Variants in SPATA33 observed in about 807,000 individuals in gnomAD.
SPATA33 encodes the protein spermatogenesis associated 33.
A neutral mutation model predicts 8.9 loss-of-function variants in SPATA33; 10 were observed. That is an observed-to-expected ratio of 1.12 (90% CI 0.69 to 1.90). SPATA33 has a LOEUF of 1.90. SPATA33 is among the 40% of genes most tolerant of loss of function. The pLI, the probability that SPATA33 is intolerant of heterozygous loss-of-function variation, is 0.00. For missense variants in SPATA33, 241 were observed against 178.3 expected (o/e 1.35, Z -2.00); for synonymous variants, 96 against 72.8 (o/e 1.32, Z -1.63).
chr16:89,662,531 C>T (rs747700546), intron 2 of SPATA33, among the ~76,000 whole-genome samples: 1 of 151,654 alleles, frequency 6.6e-6, no homozygotes, highest in Admixed American at 6.6e-5. Flanking sequence ...TCAAGTGATT[C>T]TCCTGCCTCA....
intron 2 of SPATA33, among the ~76,000 whole-genome samples, chr16:89,662,569 G>A (rs1049812900): frequency 3.3e-5 from 5 of 151,886 alleles, no homozygotes; most frequent in Middle Eastern, 3.4e-3. Flanking sequence ...GATTACAGGC[G>A]CCCGCCATGA....
intron 2 of SPATA33, among the ~76,000 whole-genome samples, chr16:89,663,337 G>A (rs777431699): frequency 1.3e-4 from 19 of 149,122 alleles, no homozygotes; most frequent in Admixed American, 4.7e-4. Context: ...CTCGGCCTCC[G>A]GAGTAGCTGG....
rs777577010 is a variant in SPATA33 at position 89,669,525 on chromosome 16, C to A, written c.*28C>A. The A allele has an allele frequency of 1.2e-6, 2 of 1,603,310 alleles. No homozygotes were observed. Among genetic ancestry groups the A allele is most frequent in the South Asian group, 2.2e-5 (2 of 90,816 alleles). On this transcript the variant is annotated 3_prime_UTR_variant, in exon 3 of 3. Transcript: ENST00000579310. ...AAGCACCTTTGCATGGCACTCGCTA[C>A]TCCCTGCGATAGGCGTCTCGGGAAC...
intron 2 of SPATA33, 193 bp downstream of exon 2, chr16:89,658,614 T>A: frequency 2.6e-6 from 2 of 771,858 alleles, no homozygotes; most frequent in Non-Finnish European, 4.0e-6. Context: ...AACATAAGTT[T>A]AATGAAAATG....
At chr16:89,662,790 C>T (rs1036108637) in intron 2 of SPATA33, among the ~76,000 whole-genome samples, 1 of 148,700 alleles carries the variant, frequency 6.7e-6, no homozygotes, top group African/African-American at 2.5e-5. Flanking sequence ...ACTTTTGTGA[C>T]GTTTTGTTGT....
At chr16:89,665,286 C>T (rs906546318) in intron 2 of SPATA33, among the ~76,000 whole-genome samples, 4 of 150,914 alleles carry the variant, frequency 2.7e-5, no homozygotes, top group Non-Finnish European at 4.4e-5. Context: ...TGAGCCACCG[C>T]ACCTGGCCCA....
intron 2 of SPATA33, among the ~76,000 whole-genome samples, chr16:89,665,478 G>A (rs1215696591): frequency 7.7e-6 from 1 of 129,224 alleles, no homozygotes; most frequent in African/African-American, 2.6e-5. Flanking sequence ...CTAATTTTTT[G>A]TATTTTTTTT....
At position 89,657,907 on chromosome 16, in the gene SPATA33, C is replaced by T; in HGVS notation, c.-5C>T. The T allele has an allele frequency of 6.6e-7, 1 of 1,516,812 alleles. No homozygotes were observed. Among genetic ancestry groups the T allele is most frequent in the Non-Finnish European group, 8.8e-7 (1 of 1,139,560 alleles). 94.0% of individuals were successfully genotyped at this position (1,516,812 alleles called of 1,614,324 possible). On this transcript the variant is annotated 5_prime_UTR_variant, in exon 1 of 3. Transcript: ENST00000579310. ...CTTGCGTCGGAGGGGGCGGTGGGCT[C>T]ACCCATGGGCCTTTCCAAAAGCAAA...
chr16:89,663,638 G>A (rs2059990449), intron 2 of SPATA33, among the ~76,000 whole-genome samples: 1 of 152,134 alleles, frequency 6.6e-6, no homozygotes, highest in South Asian at 2.1e-4. Context: ...GGGGTAGGGA[G>A]TGAGGGGGTC....
intron 2 of SPATA33, among the ~76,000 whole-genome samples, chr16:89,662,695 G>GATC (rs2059979338): frequency 6.7e-6 from 1 of 149,524 alleles, no homozygotes; most frequent in African/African-American, 2.5e-5. Context: ...CCAAAGTGCT[G>GATC]AGATCACAGG....
Position 89,670,307 on chromosome 16 carries a change from C to T in SPATA33, c.*810C>T, listed in dbSNP as rs1376061312. ...CGGGGAGGGTGCACCAGGCCCGCCC[C>T]ACCCTGTGAGAAGCCGCAGCCCGTT... On this transcript the variant is annotated 3_prime_UTR_variant, in exon 3 of 3. Coordinates refer to ENST00000579310, the MANE Select transcript of SPATA33 (RefSeq NM_001271907.2). 6.5e-6 allele frequency: 1 copy of T among 153,268 alleles called. No homozygotes were observed. The highest frequency in any genetic ancestry group is 1.5e-5 in the Non-Finnish European group (1 of 68,718). 9.5% of individuals were successfully genotyped at this position (153,268 alleles called of 1,614,324 possible). A position where few individuals can be genotyped will look rare whatever the true frequency, so the allele number is the denominator to read the frequency against.
chr16:89,657,815 C>G, upstream of SPATA33: 2 of 1,505,938 alleles, frequency 1.3e-6, no homozygotes, highest in Non-Finnish European at 1.8e-6. Context: ...GTGACGCACG[C>G]CGCTGGCGCG....
chr16:89,669,216 C>CA (rs1442295252), intron 2 of SPATA33, 70 bp from the exon 3 acceptor site: 14 of 1,400,130 alleles, frequency 1.0e-5, no homozygotes, highest in Non-Finnish European at 1.4e-5. Context: ...TGACCAATGG[C>CA]AGGAGGTGTG....
intron 2 of SPATA33, chr16:89,668,101 C>T (rs2060050860): frequency 6.6e-6 from 1 of 152,442 alleles, no homozygotes; most frequent in South Asian, 2.1e-4. Flanking sequence ...CACCTGAGGT[C>T]GGGAGTTCAA....
intron 2 of SPATA33, chr16:89,659,358 G>A (rs940197232): frequency 6.6e-6 from 1 of 152,316 alleles, no homozygotes; most frequent in Non-Finnish European, 1.5e-5. Context: ...CCAGGAGGAG[G>A]TGTTTTAAGT....
At position 89,658,700 on chromosome 16, in the gene SPATA33, G is replaced by T; in HGVS notation, c.211+279G>T. 5 of 477,996 alleles carry T rather than the reference G, an allele frequency of 1.0e-5. No homozygotes were observed. In the South Asian group the frequency reaches 1.2e-4, roughly 11 times the overall value. 29.6% of individuals were successfully genotyped at this position (477,996 alleles called of 1,614,324 possible). A position where few individuals can be genotyped will look rare whatever the true frequency, so the allele number is the denominator to read the frequency against. On this transcript the variant is annotated intron_variant, in intron 2 of 2. Transcript: ENST00000579310. ...GCAGTGTGCGTGTGTCTCACCTGAG[G>T]TTCTCCTCGAGGGCTGGGTATCTTG...
rs200969086 is a variant in SPATA33 at position 89,669,365 on chromosome 16, G to A, written c.291G>A (p.Glu97=). The change falls in exon 3 of 3, where the codon GAG becomes GAA. Residue 97 remains glutamate (E), a synonymous_variant. Transcript: ENST00000579310. The stretch of plus-strand genomic sequence containing the variant: ...TCATCATCACGCGAGCGTCGAATGA[G>A]ACGCTAGTCAGTTGCAGTTCCAGCG... The part of the protein sequence containing the change: ...PQIIITRASN[E]TLVSCSSSGS... 2 of 1,614,078 alleles carry A rather than the reference G, an allele frequency of 1.2e-6. No homozygotes were observed. The highest frequency in any genetic ancestry group is 1.7e-6 in the Non-Finnish European group (2 of 1,180,042).
At chr16:89,661,188 T>C in intron 2 of SPATA33, 1 of 985,430 alleles carries the variant, frequency 1.0e-6, no homozygotes, top group Non-Finnish European at 1.2e-6. Context: ...AGTTAATCAC[T>C]GTGGCAGCTG....
intron 2 of SPATA33, among the ~76,000 whole-genome samples, chr16:89,667,277 C>T (rs1425026294): frequency 6.6e-6 from 1 of 152,216 alleles, no homozygotes; most frequent in Non-Finnish European, 1.5e-5. Context: ...CTTCTGGTCA[C>T]TTCTCACCAT....
Sources: allele counts gnomAD v4.1 joint callset (sites outside exome capture counted in the v4.1 genomes callset), GRCh38; gene constraint gnomAD v4.1.1; transcripts MANE v1.5; gene names NCBI Gene and HGNC (gene_info 2026-07-23, HGNC 2026-07-21).